The following TSR3 variants were observed in gnomAD, a reference collection of about 807,000 sequenced individuals.
The protein encoded by TSR3 is 18S rRNA aminocarboxypropyltransferase.
In TSR3, 31 loss-of-function variants were observed where a neutral mutation model predicts 28.1. The observed-to-expected ratio is 1.10, with a 90% CI of 0.83 to 1.49. The LOEUF (loss-of-function observed/expected upper bound fraction) is 1.49, where lower values mean the gene tolerates loss of function less well. Among genes scored for constraint, TSR3 ranks in the 40% most tolerant of loss-of-function variants. The pLI is 0.00. For synonymous variants in TSR3, 219 were observed against 197.2 expected (o/e 1.11, Z -0.93); for missense variants, 511 against 444.0 (o/e 1.15, Z -1.36).
At chr16:1,350,769 G>C in intron 3 of TSR3, 38 bp downstream of exon 3, 1 of 1,590,112 alleles carries the variant, frequency 6.3e-7, no homozygotes, top group Non-Finnish European at 8.6e-7. Flanking sequence ...GGAACAGCAG[G>C]CCGCCGGGTC....
intron 3 of TSR3, 35 bp downstream of exon 3, chr16:1,350,772 G>C (rs559754109): frequency 1.3e-6 from 2 of 1,593,236 alleles, no homozygotes; most frequent in East Asian, 2.2e-5. Flanking sequence ...ACAGCAGGCC[G>C]CCGGGTCACA....
rs1262492485 is a variant in TSR3 at position 1,351,406 on chromosome 16, C to A, written c.305G>T (p.Gly102Val). The stretch of plus-strand genomic sequence containing the variant: ...GTCTGCGGGGGACGCGTACTGCTTG[C>A]CCACGGGGCTCAGCACCAGACCGCC... The part of the protein sequence containing the change: ...RFGGLVLSPV[G>V]KQYASPADRQ... Residue 102 changes from glycine to valine, a missense_variant, in exon 2 of 6, where the codon GGC becomes GTC. Coordinates refer to ENST00000007390, the MANE Select transcript of TSR3 (RefSeq NM_001001410.3). 1 of 1,594,536 alleles carries A rather than the reference C, an allele frequency of 6.3e-7. No individual in the cohort carries two copies. Among genetic ancestry groups the A allele is most frequent in the Non-Finnish European group, 8.5e-7 (1 of 1,178,244 alleles).
At chr16:1,350,426 C>G (rs1322610129) in intron 3 of TSR3, among the ~76,000 whole-genome samples, 192 bp from the exon 4 acceptor site, 1 of 152,178 alleles carries the variant, frequency 6.6e-6, no homozygotes, top group Non-Finnish European at 1.5e-5. Flanking sequence ...CCTCTGCAAC[C>G]GACCAAGTCC....
At position 1,350,222 on chromosome 16, in the gene TSR3, A is replaced by G; in HGVS notation, c.539T>C (p.Leu180Pro). Residue 180 changes from leucine to proline, a missense_variant, in exon 4 of 6, where the codon CTT becomes CCT. By Grantham distance (98) the Leu-to-Pro change is moderately conservative. Coordinates refer to ENST00000007390, the MANE Select transcript of TSR3 (RefSeq NM_001001410.3). ...ATFCIVGFPD[L>P]AVILLRKFKW... is the part of the protein sequence containing the mutation. ...AAACTTCCGCAGCAAAATGACAGCA[A>G]GGTCTGGAAAGCCTGACGGTGTGAG... The G allele has an allele frequency of 6.3e-7, 1 of 1,596,370 alleles. No individual in the cohort carries two copies. The highest frequency in any genetic ancestry group is 8.5e-7 in the Non-Finnish European group (1 of 1,176,592).
In TSR3 at chr16:1,350,843, A is replaced by T; in HGVS notation, c.490T>A (p.Cys164Ser). Residue 164 changes from cysteine (C) to serine (S), a missense_variant, in exon 3 of 6, where the codon TGC (cysteine) becomes AGC (serine). Physicochemically the swap from Cys to Ser is moderately radical, Grantham distance 112. Coordinates refer to ENST00000007390, the MANE Select transcript of TSR3 (RefSeq NM_001001410.3). Reference sequence around the variant, plus strand: ...AAGGTGGCAGCAAACGCTTCCACGCAGGAAAGTCTGTAGGGCCGGCCATAG... The same window carrying T: ...AAGGTGGCAGCAAACGCTTCCACGCTGGAAAGTCTGTAGGGCCGGCCATAG... ...VNYGRPYRLS[C>S]VEAFAATFCI... The T allele has an allele frequency of 1.2e-6, 2 of 1,613,028 alleles. No individual in the cohort carries two copies. Among genetic ancestry groups the T allele is most frequent in the Non-Finnish European group, 1.7e-6 (2 of 1,179,974 alleles).
chr16:1,350,370 G>C, intron 3 of TSR3, 136 bp from the exon 4 acceptor site: 1 of 979,742 alleles, frequency 1.0e-6, no homozygotes. Flanking sequence ...ACAGTCCTGA[G>C]AACCCGTGCT....
At position 1,351,422 on chromosome 16, in the gene TSR3, C is replaced by T; in HGVS notation, c.289G>A (p.Val97Met). 1 of 1,595,976 alleles carries T rather than the reference C, an allele frequency of 6.3e-7. No homozygotes were observed. Among genetic ancestry groups the T allele is most frequent in the Non-Finnish European group, 8.5e-7 (1 of 1,178,958 alleles). ...LRLGHRFGGL[V>M]LSPVGKQYAS... ...TACTGCTTGCCCACGGGGCTCAGCA[C>T]CAGACCGCCGAATCTGTGGCCCAGG... Residue 97 changes from valine to methionine, a missense_variant, in exon 2 of 6, where the codon GTG becomes ATG. By Grantham distance (21) the Val-to-Met change is conservative. Coordinates refer to ENST00000007390, the MANE Select transcript of TSR3 (RefSeq NM_001001410.3).
chr16:1,349,311 G>C lies in TSR3; in HGVS notation c.*126C>G. Reference sequence around the variant, plus strand: ...GAGCACAGCTGTGCTGGAAGTGTGGGGAGAACCCGGACAGCTCAGTCCTGC... The same window carrying C: ...GAGCACAGCTGTGCTGGAAGTGTGGCGAGAACCCGGACAGCTCAGTCCTGC... On this transcript the variant is annotated 3_prime_UTR_variant, in exon 6 of 6. Transcript: ENST00000007390. 1 of 1,052,558 alleles carries C rather than the reference G, an allele frequency of 9.5e-7. No homozygotes were observed. The highest frequency in any genetic ancestry group is 2.4e-5 in the East Asian group (1 of 42,296). 65.2% of individuals were successfully genotyped at this position (1,052,558 alleles called of 1,614,324 possible).
At chr16:1,351,277 G>T in intron 2 of TSR3, 102 bp downstream of exon 2, 1 of 1,254,142 alleles carries the variant, frequency 8.0e-7, no homozygotes, top group Non-Finnish European at 1.1e-6. Flanking sequence ...CTGCCCACGT[G>T]GGTGTGGATG....
At chr16:1,350,537 G>A (rs1819054753) in intron 3 of TSR3, among the ~76,000 whole-genome samples, 2 of 152,136 alleles carry the variant, frequency 1.3e-5, no homozygotes, top group African/African-American at 4.8e-5. Flanking sequence ...TGGAGGATAA[G>A]GAGGATTCTC....
chr16:1,351,521 C>T lies in TSR3; in HGVS notation c.190G>A (p.Glu64Lys). ...CGCCGGGGGTCGCAGTGGCCCAACT[C>T]CCACATGGCCAGCGTGCAGGGCAGC... The part of the protein sequence containing the change: ...AALPCTLAMW[E>K]LGHCDPRRCT... The change falls in exon 2 of 6, where the codon GAG (glutamate) becomes AAG (lysine). Residue 64 changes from glutamate (E) to lysine (K), a missense_variant. By Grantham distance (56) the Glu-to-Lys change is moderately conservative. Transcript: ENST00000007390. The T allele has an allele frequency of 6.6e-7, 1 of 1,525,874 alleles. No individual in the cohort carries two copies. Among genetic ancestry groups the T allele is most frequent in the Non-Finnish European group, 8.7e-7 (1 of 1,143,784 alleles). 94.5% of individuals were successfully genotyped at this position (1,525,874 alleles called of 1,614,324 possible).
intron 3 of TSR3, among the ~76,000 whole-genome samples, chr16:1,350,557 G>A (rs1567178598): frequency 6.6e-6 from 1 of 152,114 alleles, no homozygotes; most frequent in Admixed American, 6.6e-5. Context: ...CTGGGCAGTG[G>A]TGCCCTGATA....
intron 3 of TSR3, 47 bp downstream of exon 3, chr16:1,350,760 G>T (rs1233607459): frequency 6.3e-7 from 1 of 1,577,608 alleles, no homozygotes; most frequent in South Asian, 1.1e-5. Flanking sequence ...AGCATAGCAG[G>T]AACAGCAGGC....
In TSR3 at chr16:1,351,361, C is replaced by T. The variant is rs747405943; in HGVS notation, c.332+18G>A. 3.8e-6 allele frequency: 6 copies of T among 1,567,946 alleles called. No individual in the cohort carries two copies. Among genetic ancestry groups the T allele is most frequent in the African/African-American group, 1.4e-5 (1 of 73,606 alleles). On this transcript the variant is annotated intron_variant, in intron 2 of 5. Coordinates refer to ENST00000007390, the MANE Select transcript of TSR3 (RefSeq NM_001001410.3). ...CGCTGGAAATGAAGACGACCTCGGG[C>T]AGGCCTCCCGCGCCTACCTGTCTGC... is the stretch of plus-strand genomic sequence containing the variant.
chr16:1,351,865 T>A lies in TSR3; in HGVS notation c.-61A>T. ...ACGGCCGCGCCCCTCGGCCTCCCAA[T>A]GGGCTGTGCGGCTGCCAGCGCTTGC... On this transcript the variant is annotated 5_prime_UTR_variant, in exon 1 of 6. Transcript: ENST00000007390. 1 of 1,267,308 alleles carries A rather than the reference T, an allele frequency of 7.9e-7. No individual in the cohort carries two copies. The highest frequency in any genetic ancestry group is 9.9e-7 in the Non-Finnish European group (1 of 1,011,672). The allele number at this position is 1,267,308 out of a possible 1,614,324, so 78.5% of individuals were successfully genotyped here.
intron 2 of TSR3, 133 bp from the exon 3 acceptor site, chr16:1,351,133 G>A: frequency 8.3e-6 from 9 of 1,084,716 alleles, no homozygotes; most frequent in East Asian, 2.6e-5. Context: ...CGGACTTCAC[G>A]AGCAAGCTTT....
At chr16:1,349,851 G>A (rs777027510) in intron 5 of TSR3, 38 bp downstream of exon 5, 2 of 1,610,434 alleles carry the variant, frequency 1.2e-6, no homozygotes, top group Non-Finnish European at 1.7e-6. Flanking sequence ...AGAGAGCCCT[G>A]GGTCTGAGTG....
chr16:1,349,801 C>T (rs1307788615), intron 5 of TSR3, 88 bp downstream of exon 5: 2 of 1,517,886 alleles, frequency 1.3e-6, no homozygotes, highest in Non-Finnish European at 9.1e-7. Context: ...GTTTACAACA[C>T]CACCCCCAGG....
rs781761118 is a variant in TSR3, at chr16:1,349,450, C to T, written c.926G>A (p.Arg309Gln). Residue 309 changes from arginine to glutamine, a missense_variant, in exon 6 of 6, where the codon CGG becomes CAG. Physicochemically the swap from Arg to Gln is conservative, Grantham distance 43. Transcript: ENST00000007390. ...PAEVWKGIKK[R>Q]QRD The stretch of plus-strand genomic sequence containing the variant: ...TGTCTGCAACCCTCAGTCTCTCTGC[C>T]GTTTCTTGATTCCTTTCCAAACCTC... 27 of 1,613,430 alleles carry T rather than the reference C, an allele frequency of 1.7e-5. No homozygotes were observed. Among genetic ancestry groups the T allele is most frequent in the East Asian group, 1.3e-4 (6 of 44,894 alleles).
Sources: gnomAD v4.1 joint callset for allele counts (sites outside exome capture counted in the v4.1 genomes callset) on GRCh38, gnomAD v4.1.1 for gene constraint, MANE v1.5 for transcripts, NCBI Gene and HGNC (gene_info 2026-07-23, HGNC 2026-07-21) for gene names.